Variants in MTUS1 observed in about 807,000 individuals in gnomAD.
The protein encoded by MTUS1 is microtubule-associated tumor suppressor 1.
MTUS1 carries 109 observed loss-of-function variants against 120.8 expected under a neutral mutation model. The ratio of observed to expected loss-of-function variants is 0.90; its 90% CI spans 0.77 to 1.06. The LOEUF (loss-of-function observed/expected upper bound fraction) is 1.06. MTUS1 is among the 50% of genes least tolerant of loss of function. The pLI is 0.00. For synonymous variants in MTUS1, 737 were observed against 550.5 expected, an observed-to-expected ratio of 1.34 and a Z score of -4.74; for missense variants, 2,210 against 1,486.3, an observed-to-expected ratio of 1.49 and a Z score of -8.01.
chr8:17,665,124 G>A (rs973592619), intron 8 of MTUS1, among the ~76,000 whole-genome samples: 1 of 152,172 alleles, frequency 6.6e-6, no homozygotes, highest in Non-Finnish European at 1.5e-5. Flanking sequence ...CATAGTGCCA[G>A]GGTTTGCCTC....
chr8:17,752,838 T>C (rs1309832477), intron 2 of MTUS1, among the ~76,000 whole-genome samples: 1 of 151,904 alleles, frequency 6.6e-6, no homozygotes, highest in Non-Finnish European at 1.5e-5. Context: ...TACACCTAAG[T>C]CCCCACTGCC....
chr8:17,684,296 A>C (rs778666112), intron 7 of MTUS1, 32 bp downstream of exon 7: 1 of 1,570,804 alleles, frequency 6.4e-7, no homozygotes, highest in Non-Finnish European at 8.8e-7. Flanking sequence ...GACCTCAAGT[A>C]GAAAGGCTCT....
chr8:17,726,139 T>A (rs1290320729), intron 3 of MTUS1, among the ~76,000 whole-genome samples: 1 of 152,126 alleles, frequency 6.6e-6, no homozygotes, highest in East Asian at 1.9e-4. Context: ...GAATCCAAAG[T>A]CAGCTCAAGC....
At chr8:17,666,238 G>A (rs926533148) in intron 8 of MTUS1, among the ~76,000 whole-genome samples, 2 of 150,962 alleles carry the variant, frequency 1.3e-5, no homozygotes, top group African/African-American at 4.9e-5. Flanking sequence ...GAAAAAGTGA[G>A]GCTGACTTTA....
At chr8:17,715,195 C>T (rs1355270008) in intron 5 of MTUS1, among the ~76,000 whole-genome samples, 3 of 151,962 alleles carry the variant, frequency 2.0e-5, no homozygotes, top group Admixed American at 1.3e-4. Context: ...CGTGAGCCAC[C>T]GCATGTGGCA....
Position 17,751,363 on chromosome 8 carries a change from T to C in MTUS1, c.2091+2354A>G, listed in dbSNP as rs1330312309. On this transcript the variant is annotated intron_variant, in intron 2 of 14. Coordinates refer to ENST00000693296, the MANE Select transcript of MTUS1 (RefSeq NM_001363059.2). The stretch of plus-strand genomic sequence containing the variant: ...CGTCAATCCAGGGCAGTAAGAGCCT[T>C]TGAGTGCTGCTGAAGTGACCAACCG... Among the ~76,000 whole-genome samples the C allele has an allele frequency of 3.3e-5, 5 of 152,098 alleles. No homozygotes were observed. In the South Asian group the frequency reaches 6.2e-4, roughly 19 times the overall value.
chr8:17,768,710 C>T (rs2049767876), intron 1 of MTUS1, among the ~76,000 whole-genome samples: 1 of 152,060 alleles, frequency 6.6e-6, no homozygotes, highest in South Asian at 2.1e-4. Context: ...ATAGAAGTCT[C>T]CTACCTCCAA....
intron 8 of MTUS1, among the ~76,000 whole-genome samples, chr8:17,663,151 A>G (rs1810140540): frequency 6.6e-6 from 1 of 152,236 alleles, no homozygotes; most frequent in Admixed American, 6.5e-5. Context: ...TGCCACAGTC[A>G]AACATAATCT....
intron 1 of MTUS1, among the ~76,000 whole-genome samples, chr8:17,776,460 T>C (rs950831873): frequency 6.6e-6 from 1 of 151,876 alleles, no homozygotes; most frequent in Non-Finnish European, 1.5e-5. Context: ...GGTGGGCGGA[T>C]CACCTGAGCT....
At chr8:17,650,985 C>A (rs1418839778) in intron 12 of MTUS1, among the ~76,000 whole-genome samples, 1 of 152,200 alleles carries the variant, frequency 6.6e-6, no homozygotes, top group Non-Finnish European at 1.5e-5. Flanking sequence ...TAGGGAGAAT[C>A]CAGGAAGGGG....
At chr8:17,735,096 T>G (rs1394977084) in intron 3 of MTUS1, among the ~76,000 whole-genome samples, 3 of 152,148 alleles carry the variant, frequency 2.0e-5, no homozygotes, top group African/African-American at 7.2e-5. Context: ...TATATCTTTA[T>G]GTCAGCTCTT....
At chr8:17,647,255 C>G (rs1053419265) in intron 13 of MTUS1, 176 bp from the exon 14 acceptor site, 16 of 553,196 alleles carry the variant, frequency 2.9e-5, no homozygotes, top group Middle Eastern at 4.6e-4. Context: ...AACAGCAAAA[C>G]AGAGCGGCTG....
chr8:17,720,242 G>C (rs763499001), intron 4 of MTUS1, among the ~76,000 whole-genome samples: 19 of 152,116 alleles, frequency 1.2e-4, no homozygotes, highest in Admixed American at 3.3e-4. Flanking sequence ...CTACTTGGGA[G>C]GTTCAGACAG....
intron 8 of MTUS1, among the ~76,000 whole-genome samples, chr8:17,670,822 TA>T (rs540891587): frequency 4.0e-5 from 6 of 148,986 alleles, no homozygotes; most frequent in East Asian, 2.0e-4. Flanking sequence ...ACCCTGTCTT[TA>T]AAAAAAAAAG....
chr8:17,791,405 T>A (rs142372986), intron 1 of MTUS1, among the ~76,000 whole-genome samples: 9 of 152,334 alleles, frequency 5.9e-5, no homozygotes, highest in African/African-American at 2.2e-4. Context: ...AAAATACAAA[T>A]ATTCTGGACT....
rs1337799019 is a variant in MTUS1, at chr8:17,755,331, T to C, written c.477A>G (p.Gln159=). Residue 159 remains glutamine (Q), a synonymous_variant, in exon 2 of 15, where the codon CAA becomes CAG. Transcript: ENST00000693296. The part of the protein sequence containing the change: ...AGYCDALELN[Q]TFDMTVDKVN... Reference sequence around the variant, plus strand: ...CTTTATCCACTGTCATGTCAAATGTTTGGTTTAGCTCCAAGGCATCACAGT... The same window carrying C: ...CTTTATCCACTGTCATGTCAAATGTCTGGTTTAGCTCCAAGGCATCACAGT... 9 of 1,614,218 alleles carry C rather than the reference T, an allele frequency of 5.6e-6. No individual in the cohort carries two copies. Among genetic ancestry groups the C allele is most frequent in the Non-Finnish European group, 6.8e-6 (8 of 1,180,032 alleles).
chr8:17,649,892 T>C lies in MTUS1; in HGVS notation c.3455A>G (p.Glu1152Gly). The change falls in exon 13 of 15, where the codon GAG (glutamate) becomes GGG (glycine). Residue 1152 changes from glutamate (E) to glycine (G), a missense_variant. Glu to Gly is a moderately conservative substitution (Grantham distance 98). Coordinates refer to ENST00000693296, the MANE Select transcript of MTUS1 (RefSeq NM_001363059.2). ...SLKAVLEIKN[E>G]KLHQQDIKLM... The stretch of plus-strand genomic sequence containing the variant: ...CTTGATGTCCTGTTGATGCAGTTTC[T>C]CATTCTTGATCTCTAACACAGCTTT... 2 of 1,611,020 alleles carry C rather than the reference T, an allele frequency of 1.2e-6. No homozygotes were observed. Among genetic ancestry groups the C allele is most frequent in the Non-Finnish European group, 1.7e-6 (2 of 1,177,384 alleles).
rs2049162267 is a variant in MTUS1 at position 17,762,996 on chromosome 8, C to CT, written c.-154-7036_-154-7035insA. ...CTGACTGCTTTCACATCCAATGGTA[C>CT]CTTTTTTTTTTTTGAGACGAAGTCT... On this transcript the variant is annotated intron_variant, in intron 1 of 14. Transcript: ENST00000693296. Among the ~76,000 whole-genome samples, 8 of 51,892 alleles carry CT rather than the reference C, an allele frequency of 1.5e-4. No individual in the cohort carries two copies. The East Asian group carries it at 4.7e-3, about 30-fold the overall frequency. The allele number at this position is 51,892 out of a possible 152,430, so 34.0% of individuals were successfully genotyped here.
chr8:17,722,821 C>T (rs924019385), intron 4 of MTUS1, among the ~76,000 whole-genome samples: 3 of 152,066 alleles, frequency 2.0e-5, no homozygotes, highest in African/African-American at 4.8e-5. Flanking sequence ...TGCTCCACAC[C>T]CAGAGGAGCC....
Sources: allele counts gnomAD v4.1 joint callset (sites outside exome capture counted in the v4.1 genomes callset), GRCh38; gene constraint gnomAD v4.1.1; transcripts MANE v1.5; gene names NCBI Gene and HGNC (gene_info 2026-07-23, HGNC 2026-07-21).